The following HCN2 variants were observed in gnomAD, a reference collection of about 807,000 sequenced individuals.
The protein encoded by HCN2 is hyperpolarization activated cyclic nucleotide gated potassium and sodium channel 2, also known as potassium/sodium hyperpolarization-activated cyclic nucleotide-gated channel 2.
HCN2 carries 20 observed loss-of-function variants against 52.3 expected under a neutral mutation model. The observed-to-expected ratio is 0.38, with a 90% CI of 0.27 to 0.56. The LOEUF (loss-of-function observed/expected upper bound fraction) is 0.56, where lower values mean the gene tolerates loss of function less well. Among genes scored for constraint, HCN2 ranks in the 20% least tolerant of loss-of-function variants. The pLI, the probability that HCN2 is intolerant of heterozygous loss-of-function variation, is 0.71. For missense variants in HCN2, 981 were observed against 1,207.7 expected, an observed-to-expected ratio of 0.81 and a Z score of 2.78; for synonymous variants, 694 against 537.0, an observed-to-expected ratio of 1.29 and a Z score of -4.04.
chr19:603,851 T>C lies in HCN2; in HGVS notation c.940T>C (p.Ser314Pro). The change falls in exon 2 of 8, where the codon TCC becomes CCC. Residue 314 changes from serine to proline, a missense_variant. By Grantham distance (74) the Ser-to-Pro change is moderately conservative (BLOSUM62 -1). Transcript: ENST00000251287. Reference protein sequence around the residue: ...IFLIVEKGIDSEVYKTARALR... With the variant: ...IFLIVEKGIDPEVYKTARALR... ...CCTTATCGTGGAGAAGGGCATTGAC[T>C]CCGAGGTCTACAAGACGGCACGCGC... is the stretch of plus-strand genomic sequence containing the variant. 1 of 1,612,510 alleles carries C rather than the reference T, an allele frequency of 6.2e-7. No individual in the cohort carries two copies. Among genetic ancestry groups the C allele is most frequent in the South Asian group, 1.1e-5 (1 of 91,070 alleles).
At chr19:601,195 C>T (rs2144512488) in intron 1 of HCN2, among the ~76,000 whole-genome samples, 2 of 152,316 alleles carry the variant, frequency 1.3e-5, no homozygotes, top group South Asian at 4.1e-4. Flanking sequence ...TGCCTGTAAT[C>T]CCAGCTACTC....
rs1302049889 is a variant in HCN2, at chr19:613,439, C to T, written c.1776C>T (p.Leu592=). 5.6e-6 allele frequency: 9 copies of T among 1,610,328 alleles called. No individual in the cohort carries two copies. Among genetic ancestry groups the T allele is most frequent in the Non-Finnish European group, 7.6e-6 (9 of 1,179,148 alleles). Residue 592 remains leucine (L), a synonymous_variant, in exon 6 of 8, where the codon CTC becomes CTT. Transcript: ENST00000251287. Reference sequence around the variant, plus strand: ...TCCAGCACGGCGTGGTCAGCGTGCTCACTAAGGGCAACAAGGAGATGAAGC... The same window carrying T: ...TCCAGCACGGCGTGGTCAGCGTGCTTACTAAGGGCAACAAGGAGATGAAGC... ...YFIQHGVVSV[L]TKGNKEMKLS...
Position 591,958 on chromosome 19 carries a change from A to G in HCN2, c.632+1381A>G, listed in dbSNP as rs1465622268. Among the ~76,000 whole-genome samples, 1 of 152,164 alleles carries G rather than the reference A, an allele frequency of 6.6e-6. No individual in the cohort carries two copies. The highest frequency in any genetic ancestry group is 2.4e-5 in the African/African-American group (1 of 41,440). On this transcript the variant is annotated intron_variant, in intron 1 of 7. Coordinates refer to ENST00000251287, the MANE Select transcript of HCN2 (RefSeq NM_001194.4). This position sits in a 1 kb window ranked among gnomAD's most constrained non-coding sequence, Gnocchi z 4.1. ...GAGAGGTGAATACAGCTTTGACCAG[A>G]AGCCTGGATTTCGAGACAGGCCAGG...
At chr19:601,063 C>G (rs1983186902) in intron 1 of HCN2, among the ~76,000 whole-genome samples, 1 of 152,146 alleles carries the variant, frequency 6.6e-6, no homozygotes, top group Non-Finnish European at 1.5e-5. Context: ...GCCGGTAATC[C>G]CCACACTTTG....
chr19:599,861 TGTGTGTGTGTGTG>T (rs1983150025), intron 1 of HCN2, among the ~76,000 whole-genome samples: 3 of 82,140 alleles, frequency 3.7e-5, no homozygotes, highest in Admixed American at 2.6e-4. Context: ...TGTGTGTGTG[TGTGTGTGTGTGTG>T]TGTGTGTGTG....
At chr19:593,155 C>T (rs564044722) in intron 1 of HCN2, among the ~76,000 whole-genome samples, 1 of 152,360 alleles carries the variant, frequency 6.6e-6, no homozygotes, top group Admixed American at 6.5e-5. Context: ...CGCCCAAGTC[C>T]ACCCTGCTCC....
In HCN2 at chr19:602,722, A is replaced by G. The variant is rs74765551; in HGVS notation, c.633-822A>G. Among the ~76,000 whole-genome samples the G allele has an allele frequency of 3.0e-4, 46 of 152,222 alleles. No individual in the cohort carries two copies. The East Asian group carries it at 8.5e-3, about 28-fold the overall frequency. On this transcript the variant is annotated intron_variant, in intron 1 of 7. Coordinates refer to ENST00000251287, the MANE Select transcript of HCN2 (RefSeq NM_001194.4). ...TTAACGCCAACCTTGTGCCAGGCAC[A>G]TTGTCCCTCTCTGGTCATGTGAAGC...
rs781275258 is a variant in HCN2 at position 592,788 on chromosome 19, G to A, written c.632+2211G>A. Among the ~76,000 whole-genome samples the A allele has an allele frequency of 6.6e-6, 1 of 152,102 alleles. No homozygotes were observed. The highest frequency in any genetic ancestry group is 1.5e-5 in the Non-Finnish European group (1 of 68,002). ...TCAAAAGCTCCCTAAGCAGGCGGCC[G>A]GACCCTGCTGTGGAGGGTGTTTTGG... On this transcript the variant is annotated intron_variant, in intron 1 of 7. Transcript: ENST00000251287. This position sits in a 1 kb window ranked among gnomAD's most constrained non-coding sequence, Gnocchi z 4.8.
At chr19:615,730 T>C in intron 7 of HCN2, 65 bp from the exon 8 acceptor site, 1 of 1,548,822 alleles carries the variant, frequency 6.5e-7, no homozygotes, top group Non-Finnish European at 8.9e-7. Flanking sequence ...GCAGAGTAGG[T>C]GCTCGGTGCC....
intron 4 of HCN2, among the ~76,000 whole-genome samples, chr19:608,461 C>T (rs934657993): frequency 4.3e-4 from 65 of 152,004 alleles, no homozygotes; most frequent in Middle Eastern, 3.4e-3. Context: ...GGGCAGAGAC[C>T]GCGTGATGGG....
intron 1 of HCN2, among the ~76,000 whole-genome samples, chr19:596,906 T>C (rs1600518656): frequency 1.7e-5 from 2 of 121,056 alleles, no homozygotes; most frequent in African/African-American, 5.5e-5. Context: ...AGGGTTGGGG[T>C]GGAGAGGGTT....
Position 590,729 on chromosome 19 carries a change from C to A in HCN2, c.632+152C>A. ...TGACCTCGGGCGTGTCCGGGACCCG[C>A]CCCGGAGTGACCCCGGCGCGCGAGG... On this transcript the variant is annotated intron_variant, in intron 1 of 7. Transcript: ENST00000251287. The surrounding 1 kb of genome is among the most constrained non-coding windows in gnomAD (Gnocchi z 7.2). The A allele has an allele frequency of 2.1e-6, 1 of 482,906 alleles. No homozygotes were observed. Among genetic ancestry groups the A allele is most frequent in the Non-Finnish European group, 3.1e-6 (1 of 320,020 alleles). 29.9% of individuals were successfully genotyped at this position (482,906 alleles called of 1,614,324 possible).
chr19:614,132 G>A, intron 7 of HCN2, 116 bp downstream of exon 7: 2 of 696,890 alleles, frequency 2.9e-6, no homozygotes, highest in Non-Finnish European at 4.1e-6. Context: ...TGTGGCATCA[G>A]GGGCACGGTT....
At chr19:593,568 C>G (rs1024571332) in intron 1 of HCN2, among the ~76,000 whole-genome samples, 2 of 152,020 alleles carry the variant, frequency 1.3e-5, no homozygotes, top group Non-Finnish European at 2.9e-5. Context: ...TGCAGTGAGC[C>G]GAGATCGCGC....
At chr19:612,844 GTT>G (rs371557417) in intron 5 of HCN2, among the ~76,000 whole-genome samples, 92 of 126,386 alleles carry the variant, frequency 7.3e-4, no homozygotes, top group African/African-American at 2.3e-3. Context: ...ACGCCTGGCT[GTT>G]TTTTTTTTTT....
rs1263798122 is a variant in HCN2 at position 616,951 on chromosome 19, G to C, written c.*477G>C. ...GGCCCCCGTCCGCGCGCGTCCCCCGGTGACCTCGGGGAGCAGCACCCCGCC... is the reference window on the plus strand; with the variant it reads ...GGCCCCCGTCCGCGCGCGTCCCCCGCTGACCTCGGGGAGCAGCACCCCGCC... On this transcript the variant is annotated 3_prime_UTR_variant, in exon 8 of 8. Transcript: ENST00000251287. 8 of 418,600 alleles carry C rather than the reference G, an allele frequency of 1.9e-5. No homozygotes were observed. Among genetic ancestry groups the C allele is most frequent in the Non-Finnish European group, 3.1e-5 (7 of 226,998 alleles). 25.9% of individuals were successfully genotyped at this position (418,600 alleles called of 1,614,324 possible).
intron 1 of HCN2, among the ~76,000 whole-genome samples, chr19:602,413 CT>C (rs1983236124): frequency 6.8e-6 from 1 of 146,908 alleles, no homozygotes; most frequent in African/African-American, 2.6e-5. Context: ...GGACGCCCCA[CT>C]TCCTCCTCTC....
rs1983296385 is a variant in HCN2, at chr19:603,705, C to A, written c.794C>A (p.Thr265Asn). The part of the protein sequence containing the change: ...FLMDLVLNFR[T>N]GIVIEDNTEI... Reference sequence around the variant, plus strand: ...ATGGACCTGGTGTTGAACTTCCGCACCGGCATTGTGATCGAGGACAACACG... The same window carrying A: ...ATGGACCTGGTGTTGAACTTCCGCAACGGCATTGTGATCGAGGACAACACG... Residue 265 changes from threonine (T) to asparagine (N), a missense_variant, in exon 2 of 8, where the codon ACC becomes AAC. Physicochemically the swap from Thr to Asn is moderately conservative, Grantham distance 65 (BLOSUM62 0). Transcript: ENST00000251287. The A allele has an allele frequency of 1.2e-6, 2 of 1,612,718 alleles. No individual in the cohort carries two copies. Among genetic ancestry groups the A allele is most frequent in the African/African-American group, 1.3e-5 (1 of 74,854 alleles).
chr19:610,147 G>C, intron 4 of HCN2, 112 bp from the exon 5 acceptor site: 1 of 1,324,714 alleles, frequency 7.5e-7, no homozygotes, highest in East Asian at 2.4e-5. Flanking sequence ...GCCCGCTGCA[G>C]GCTGGGGGCG....
Sources: allele counts gnomAD v4.1 joint callset (sites outside exome capture counted in the v4.1 genomes callset), GRCh38; gene constraint gnomAD v4.1.1; non-coding constraint Gnocchi (gnomAD v3.1); transcripts MANE v1.5; gene names NCBI Gene and HGNC (gene_info 2026-07-23, HGNC 2026-07-21).